Variants in CSMD1 observed in about 807,000 individuals in gnomAD.
CSMD1 encodes CUB and sushi domain-containing protein 1.
Under a neutral mutation model 417.5 loss-of-function variants are expected in CSMD1, and 213 were observed. The ratio of observed to expected loss-of-function variants is 0.51; its 90% confidence interval spans 0.46 to 0.57. The LOEUF is 0.57. Among genes scored for constraint, CSMD1 ranks in the 20% least tolerant of loss-of-function variants. The probability of loss-of-function intolerance (pLI) is 0.00; values close to 1 mark genes in which losing one functional copy is unlikely to be tolerated. For missense variants in CSMD1, 6,923 were observed against 4,529.7 expected (o/e 1.53, Z -15.17); for synonymous variants, 2,862 against 1,736.8 (o/e 1.65, Z -16.11).
At position 4,200,408 on chromosome 8, in the gene CSMD1, A is replaced by T. The variant is rs542266173; in HGVS notation, c.416-168309T>A. ...TAAAAAGCAGAAAAAAATTAATGAA[A>T]ATTTGATTTAAAAGAATAACCCCAC... is the stretch of plus-strand genomic sequence containing the variant. On this transcript the variant is annotated intron_variant, in intron 3 of 69. Transcript: ENST00000635120. Among the ~76,000 whole-genome samples the T allele has an allele frequency of 2.2e-3, 329 of 152,280 alleles. 1 individual carries two copies. The highest frequency in any genetic ancestry group is 7.7e-3 in the African/African-American group (319 of 41,546).
intron 3 of CSMD1, among the ~76,000 whole-genome samples, chr8:4,298,635 C>T (rs544558741): frequency 6.6e-6 from 1 of 152,166 alleles, no homozygotes; most frequent in East Asian, 1.9e-4. Flanking sequence ...TATAGAACAT[C>T]ACAATTTAGT....
chr8:3,569,225 A>G (rs913124147), intron 10 of CSMD1, among the ~76,000 whole-genome samples: 3 of 152,112 alleles, frequency 2.0e-5, no homozygotes, highest in African/African-American at 7.2e-5. Flanking sequence ...AAAGTTTTAG[A>G]TTTTCTAACG....
chr8:4,881,623 A>C (rs1803408543), intron 1 of CSMD1, among the ~76,000 whole-genome samples: 1 of 151,484 alleles, frequency 6.6e-6, no homozygotes, highest in Non-Finnish European at 1.5e-5. Flanking sequence ...TTGATTTCTT[A>C]AATTTGGAAA....
intron 25 of CSMD1, among the ~76,000 whole-genome samples, chr8:3,288,987 C>T (rs891644332): frequency 7.0e-6 from 1 of 143,252 alleles, no homozygotes; most frequent in Non-Finnish European, 1.5e-5. Context: ...TCCCCCTACC[C>T]CACAACAGTC....
Position 4,267,417 on chromosome 8 carries a change from G to C in CSMD1, c.415+152536C>G, listed in dbSNP as rs1188430653. ...TCTGAAAGATCTATGTGAAGAAAAT[G>C]ATAAGCTTCTACAGCAGAGTAAAAA... On this transcript the variant is annotated intron_variant, in intron 3 of 69. Coordinates refer to ENST00000635120, the MANE Select transcript of CSMD1 (RefSeq NM_033225.6). 8.9e-5 allele frequency among the ~76,000 whole-genome samples: 4 copies of C among 44,844 alleles called. 2 individuals carry two copies. The allele number at this position is 44,844 out of a possible 152,430, so 29.4% of individuals were successfully genotyped here. A position where few individuals can be genotyped will look rare whatever the true frequency, so the allele number is the denominator to read the frequency against.
intron 2 of CSMD1, among the ~76,000 whole-genome samples, chr8:4,480,729 AC>A (rs1801053996): frequency 6.6e-6 from 1 of 152,154 alleles, no homozygotes; most frequent in African/African-American, 2.4e-5. Context: ...TATAGAATCC[AC>A]TTTTTTGAGG....
At chr8:4,954,924 G>A (rs566291489) in intron 1 of CSMD1, among the ~76,000 whole-genome samples, 1 of 152,288 alleles carries the variant, frequency 6.6e-6, no homozygotes, top group South Asian at 2.1e-4. Context: ...AATGATCAGT[G>A]AAAACATGTT....
chr8:4,383,987 G>C (rs542889571), intron 3 of CSMD1, among the ~76,000 whole-genome samples: 5 of 152,122 alleles, frequency 3.3e-5, no homozygotes, highest in Non-Finnish European at 7.4e-5. Context: ...CCTTTAAGTA[G>C]CACTTGGACA....
intron 5 of CSMD1, among the ~76,000 whole-genome samples, chr8:3,802,261 T>A (rs1230919668): frequency 6.6e-6 from 1 of 152,288 alleles, no homozygotes; most frequent in East Asian, 1.9e-4. Context: ...GTTTGGAACA[T>A]CTACATGGAT....
intron 5 of CSMD1, among the ~76,000 whole-genome samples, chr8:3,763,406 A>C (rs1280616469): frequency 6.6e-6 from 1 of 151,698 alleles, no homozygotes. Flanking sequence ...GTAAGTTCTC[A>C]CTCTTAGTTT....
intron 51 of CSMD1, among the ~76,000 whole-genome samples, chr8:3,027,747 A>G (rs1810044805): frequency 6.6e-6 from 1 of 152,220 alleles, no homozygotes; most frequent in Non-Finnish European, 1.5e-5. Context: ...AAACACCAGA[A>G]TACAGTTGAT....
intron 6 of CSMD1, among the ~76,000 whole-genome samples, chr8:3,734,950 G>A (rs1400935186): frequency 1.3e-5 from 2 of 152,184 alleles, no homozygotes; most frequent in Non-Finnish European, 2.9e-5. Flanking sequence ...ACCCTCCAGA[G>A]TAGCCTCTGT....
At chr8:4,694,417 T>C (rs950202219) in intron 1 of CSMD1, among the ~76,000 whole-genome samples, 3 of 152,050 alleles carry the variant, frequency 2.0e-5, no homozygotes, top group Non-Finnish European at 4.4e-5. Flanking sequence ...AGTCGTGTGA[T>C]CTTGGGTCAC....
intron 2 of CSMD1, among the ~76,000 whole-genome samples, chr8:4,526,646 T>A (rs949814385): frequency 6.6e-6 from 1 of 152,236 alleles, no homozygotes; most frequent in Non-Finnish European, 1.5e-5. Flanking sequence ...ACAAAAATTG[T>A]GTAATTTTTG....
intron 1 of CSMD1, among the ~76,000 whole-genome samples, chr8:4,947,913 T>A (rs1210975801): frequency 6.6e-6 from 1 of 152,124 alleles, no homozygotes; most frequent in African/African-American, 2.4e-5. Flanking sequence ...CTGTAAGACA[T>A]TCGGGTAATT....
At chr8:3,542,674 A>G (rs1410161645) in intron 10 of CSMD1, among the ~76,000 whole-genome samples, 2 of 152,182 alleles carry the variant, frequency 1.3e-5, no homozygotes, top group East Asian at 1.9e-4. Context: ...TTCTCCCCCT[A>G]TTCTTGCTCA....
At chr8:4,762,222 G>A (rs770347291) in intron 1 of CSMD1, among the ~76,000 whole-genome samples, 2 of 152,022 alleles carry the variant, frequency 1.3e-5, no homozygotes, top group East Asian at 3.9e-4. Context: ...ATATCTGCAT[G>A]GTACCTGCTT....
chr8:4,911,777 G>T (rs867165939), intron 1 of CSMD1, among the ~76,000 whole-genome samples: 7 of 152,066 alleles, frequency 4.6e-5, no homozygotes, highest in Non-Finnish European at 8.8e-5. Flanking sequence ...CAACATAGAA[G>T]CCGCCAGATC....
chr8:3,805,986 C>A (rs1188610562), intron 5 of CSMD1, among the ~76,000 whole-genome samples: 1 of 152,288 alleles, frequency 6.6e-6, no homozygotes, highest in East Asian at 1.9e-4. Flanking sequence ...CTAGGCAAGA[C>A]TTTTGCTCAG....
Sources: allele counts gnomAD v4.1 joint callset (sites outside exome capture counted in the v4.1 genomes callset), GRCh38; gene constraint gnomAD v4.1.1; transcripts MANE v1.5; gene names NCBI Gene and HGNC (gene_info 2026-07-23, HGNC 2026-07-21).